Variants in MYO9A observed in about 807,000 individuals in gnomAD.
MYO9A encodes the protein myosin IXA.
MYO9A carries 103 observed loss-of-function variants against 293.3 expected under a neutral mutation model. That is an observed-to-expected ratio of 0.35 (90% CI 0.30 to 0.41). The LOEUF (loss-of-function observed/expected upper bound fraction) is 0.41. MYO9A is among the 10% of genes least tolerant of loss of function. The pLI, the probability that MYO9A is intolerant of heterozygous loss-of-function variation, is 1.00. For synonymous variants in MYO9A, 1,001 were observed against 1,035.7 expected (o/e 0.97, Z 0.64); for missense variants, 2,685 against 3,033.0 (o/e 0.89, Z 2.69).
chr15:72,026,758 C>A (rs116457271), intron 4 of MYO9A, among the ~76,000 whole-genome samples: 4 of 151,850 alleles, frequency 2.6e-5, no homozygotes, highest in African/African-American at 9.7e-5. Context: ...TGAATGAAAG[C>A]GGAACATTAC....
intron 28 of MYO9A, among the ~76,000 whole-genome samples, chr15:71,882,590 C>A (rs1193731634): frequency 6.6e-6 from 1 of 152,070 alleles, no homozygotes; most frequent in East Asian, 1.9e-4. Flanking sequence ...GAGCTATGAT[C>A]ACACCACTCC....
At chr15:72,107,060 T>C (rs2080594935) in intron 1 of MYO9A, among the ~76,000 whole-genome samples, 1 of 151,806 alleles carries the variant, frequency 6.6e-6, no homozygotes, top group Admixed American at 6.6e-5. Flanking sequence ...GTAAAGGAGA[T>C]TAAAACAAAA....
chr15:72,005,854 T>C (rs950894136), intron 8 of MYO9A, among the ~76,000 whole-genome samples: 1 of 152,216 alleles, frequency 6.6e-6, no homozygotes, highest in Non-Finnish European at 1.5e-5. Context: ...AGGGAGTCAG[T>C]TTAGACCACT....
chr15:72,027,933 C>T (rs1421781712), intron 3 of MYO9A, 140 bp from the exon 4 acceptor site: 2 of 612,310 alleles, frequency 3.3e-6, no homozygotes, highest in Non-Finnish European at 5.6e-6. Flanking sequence ...CGAGGTGGCT[C>T]ACACCTGTAA....
chr15:71,955,351 AC>A (rs1367412937), intron 14 of MYO9A, among the ~76,000 whole-genome samples: 1 of 151,106 alleles, frequency 6.6e-6, no homozygotes, highest in Non-Finnish European at 1.5e-5. Context: ...CTGGTCTTGA[AC>A]TCCTGACCTC....
intron 19 of MYO9A, among the ~76,000 whole-genome samples, chr15:71,908,556 T>C (rs2057740127): frequency 6.6e-6 from 1 of 152,240 alleles, no homozygotes; most frequent in Non-Finnish European, 1.5e-5. Flanking sequence ...TTACTGGCCT[T>C]CTGTTTGTCC....
intron 11 of MYO9A, among the ~76,000 whole-genome samples, chr15:71,987,115 T>C (rs2076426561): frequency 6.6e-6 from 1 of 152,216 alleles, no homozygotes; most frequent in East Asian, 1.9e-4. Context: ...TAGCATGCTG[T>C]ACAGGTTTGT....
chr15:72,036,981 C>T (rs951568241), intron 2 of MYO9A, among the ~76,000 whole-genome samples: 12 of 151,768 alleles, frequency 7.9e-5, no homozygotes, highest in Non-Finnish European at 8.8e-5. Flanking sequence ...GATCCACCTA[C>T]CTGAGCCTCC....
At chr15:71,947,866 C>T (rs1246342909) in intron 15 of MYO9A, among the ~76,000 whole-genome samples, 2 of 152,184 alleles carry the variant, frequency 1.3e-5, no homozygotes, top group South Asian at 2.1e-4. Flanking sequence ...TTCTTTTCTA[C>T]CCCTGCTCTC....
intron 13 of MYO9A, among the ~76,000 whole-genome samples, chr15:71,962,272 C>T (rs1451061440): frequency 1.3e-5 from 2 of 152,190 alleles, no homozygotes; most frequent in African/African-American, 4.8e-5. Flanking sequence ...CAAGTTGGTA[C>T]AGCTTCATAG....
chr15:72,107,421 C>T (rs533365233), intron 1 of MYO9A, among the ~76,000 whole-genome samples: 5 of 152,060 alleles, frequency 3.3e-5, no homozygotes, highest in East Asian at 1.9e-4. Flanking sequence ...TAGTGGCGCG[C>T]GCCTGTAATC....
chr15:71,896,290 TG>T (rs1159031887), intron 25 of MYO9A, among the ~76,000 whole-genome samples: 1 of 152,228 alleles, frequency 6.6e-6, no homozygotes, highest in Non-Finnish European at 1.5e-5. Flanking sequence ...TTATTTTCAT[TG>T]TTAATGTAAA....
intron 18 of MYO9A, among the ~76,000 whole-genome samples, chr15:71,932,290 T>A (rs569152605): frequency 7.2e-5 from 11 of 152,204 alleles, no homozygotes; most frequent in Admixed American, 5.9e-4. Flanking sequence ...GCCCACTGAA[T>A]GCCCATTTAT....
intron 1 of MYO9A, among the ~76,000 whole-genome samples, chr15:72,054,957 C>G (rs1265837860): frequency 1.3e-5 from 2 of 149,810 alleles, no homozygotes; most frequent in African/African-American, 4.9e-5. Context: ...GGCAGAGAAA[C>G]AGAATTTGAG....
At chr15:71,980,776 T>C (rs1041434858) in intron 11 of MYO9A, among the ~76,000 whole-genome samples, 1 of 152,200 alleles carries the variant, frequency 6.6e-6, no homozygotes, top group Non-Finnish European at 1.5e-5. Flanking sequence ...AGATCAAGTC[T>C]GCAGTGAGCT....
Position 71,935,406 on chromosome 15 carries a change from A to T in MYO9A, c.2457T>A (p.Asp819Glu). 1 of 1,613,742 alleles carries T rather than the reference A, an allele frequency of 6.2e-7. No individual in the cohort carries two copies. Among genetic ancestry groups the T allele is most frequent in the East Asian group, 2.2e-5 (1 of 44,860 alleles). Residue 819 changes from aspartate to glutamate, a missense_variant, in exon 17 of 42, where the codon GAT becomes GAA. Asp to Glu is a conservative substitution (Grantham distance 45, BLOSUM62 2). Coordinates refer to ENST00000356056, the MANE Select transcript of MYO9A (RefSeq NM_006901.4). ...TTGAATTAGCAAATATTCCATCTTT[A>T]TCAAGCAAGGAGGTGCCACTTGATA... The part of the protein sequence containing the change: ...SRLSSGTSLL[D>E]KDGIFANSTS...
intron 2 of MYO9A, among the ~76,000 whole-genome samples, chr15:72,043,600 C>T (rs1027119910): frequency 2.0e-5 from 3 of 152,114 alleles, no homozygotes; most frequent in African/African-American, 7.2e-5. Flanking sequence ...AGGGTACATA[C>T]TATGTGGTTC....
intron 8 of MYO9A, among the ~76,000 whole-genome samples, chr15:72,006,371 G>C (rs960732159): frequency 6.6e-6 from 1 of 152,168 alleles, no homozygotes; most frequent in Non-Finnish European, 1.5e-5. Context: ...AATGTGCTGG[G>C]ATTGCAGGCA....
At chr15:72,016,630 G>A (rs1442665904) in intron 6 of MYO9A, among the ~76,000 whole-genome samples, 1 of 152,180 alleles carries the variant, frequency 6.6e-6, no homozygotes, top group East Asian at 1.9e-4. Context: ...ATGAGGAAGA[G>A]CTAACAGGAA....
Sources: gnomAD v4.1 joint callset for allele counts (sites outside exome capture counted in the v4.1 genomes callset) on GRCh38, gnomAD v4.1.1 for gene constraint, MANE v1.5 for transcripts, NCBI Gene and HGNC (gene_info 2026-07-23, HGNC 2026-07-21) for gene names.